Variants in FIBIN observed in about 807,000 individuals in gnomAD.
FIBIN encodes fin bud initiation factor homolog (zebrafish).
A neutral mutation model predicts 13.0 loss-of-function variants in FIBIN; 8 were observed. The observed-to-expected ratio is 0.62, with a 90% CI of 0.36 to 1.11. The LOEUF is 1.11. Among genes scored for constraint, FIBIN ranks in the 50% most tolerant of loss-of-function variants. The pLI is 0.02. For synonymous variants in FIBIN, 127 were observed against 114.7 expected, an observed-to-expected ratio of 1.11 and a Z score of -0.69; for missense variants, 261 against 260.2, an observed-to-expected ratio of 1.00 and a Z score of -0.02.
rs754685334 is a variant in FIBIN at position 26,995,025 on chromosome 11, G to T, written c.499G>T (p.Val167Phe). The stretch of plus-strand genomic sequence containing the variant: ...CAACGAGGACTTTCTGGGAATGCTG[G>T]TCCACACCAGGTCCCTGCTGAAGGA... Reference protein sequence around the residue: ...RLNEDFLGMLVHTRSLLKETL... With the variant: ...RLNEDFLGMLFHTRSLLKETL... Residue 167 changes from valine to phenylalanine, a missense_variant, in exon 1 of 1, where the codon GTC (valine) becomes TTC (phenylalanine). Coordinates refer to ENST00000318627, the MANE Select transcript of FIBIN (RefSeq NM_203371.2). 2.5e-6 allele frequency: 4 copies of T among 1,614,054 alleles called. No individual in the cohort carries two copies. The highest frequency in any genetic ancestry group is 1.7e-5 in the Admixed American group (1 of 60,018).
chr11:26,994,266 C>CGCCTGT lies in FIBIN; in HGVS notation c.-257_-252dup, dbSNP rs1289528602. ...GCCCCGGAGGAGGGGTTCCCCGCTA[C>CGCCTGT]GCCTGTGCCGGAGGAGTTCCAGTCA... On this transcript the variant is annotated 5_prime_UTR_variant, in exon 1 of 1. Transcript: ENST00000318627. 1.4e-5 allele frequency: 6 copies of CGCCTGT among 421,028 alleles called. No homozygotes were observed. Among genetic ancestry groups the CGCCTGT allele is most frequent in the Non-Finnish European group, 2.5e-5 (6 of 238,096 alleles). The allele number at this position is 421,028 out of a possible 1,614,324, so 26.1% of individuals were successfully genotyped here.
At position 26,996,846 on chromosome 11, in the gene FIBIN, A is replaced by C. The variant is rs1410460612; in HGVS notation, c.*1684A>C. Among the ~76,000 whole-genome samples, 1 of 152,048 alleles carries C rather than the reference A, an allele frequency of 6.6e-6. No homozygotes were observed. The highest frequency in any genetic ancestry group is 1.5e-5 in the Non-Finnish European group (1 of 68,006). The stretch of plus-strand genomic sequence containing the variant: ...TTTAAACACGGGACTTCCCGAACTA[A>C]TTTTTTTAAGGATACTGAAAAATGA... On this transcript the variant is annotated 3_prime_UTR_variant, in exon 1 of 1. Transcript: ENST00000318627.
Position 26,994,668 on chromosome 11 carries a change from G to T in FIBIN, c.142G>T (p.Asp48Tyr). 1 of 1,613,910 alleles carries T rather than the reference G, an allele frequency of 6.2e-7. No homozygotes were observed. Among genetic ancestry groups the T allele is most frequent in the South Asian group, 1.1e-5 (1 of 91,040 alleles). Residue 48 changes from aspartate to tyrosine, a missense_variant, in exon 1 of 1, where the codon GAC becomes TAC. Transcript: ENST00000318627. ...VPDGDYEEND[D>Y]PEKCQLLFRV... is the part of the protein sequence containing the mutation. Reference sequence around the variant, plus strand: ...CGATGGGGACTATGAGGAGAACGATGACCCCGAGAAGTGCCAGCTGCTCTT... The same window carrying T: ...CGATGGGGACTATGAGGAGAACGATTACCCCGAGAAGTGCCAGCTGCTCTT...
At position 26,997,082 on chromosome 11, in the gene FIBIN, C is replaced by T. The variant is rs1469281370; in HGVS notation, c.*1920C>T. ...GTGGCAAATAAAATCATATTTGGTA[C>T]TAAAATGTTTGTAGTTTGAAGTCAC... On this transcript the variant is annotated 3_prime_UTR_variant, in exon 1 of 1. Coordinates refer to ENST00000318627, the MANE Select transcript of FIBIN (RefSeq NM_203371.2). Among the ~76,000 whole-genome samples the T allele has an allele frequency of 6.6e-6, 1 of 152,056 alleles. No individual in the cohort carries two copies. The highest frequency in any genetic ancestry group is 6.6e-5 in the Admixed American group (1 of 15,256).
chr11:26,995,000 C>T lies in FIBIN; in HGVS notation c.474C>T (p.Leu158=), dbSNP rs765137980. Residue 158 remains leucine, a synonymous_variant, in exon 1 of 1, where the codon CTC becomes CTT. Transcript: ENST00000318627. The stretch of plus-strand genomic sequence containing the variant: ...AGGACAGCCGGCAGGAGAGCAGGCT[C>T]AACGAGGACTTTCTGGGAATGCTGG... ...QEQDSRQESR[L]NEDFLGMLVH... is the part of the protein sequence containing the mutation. The T allele has an allele frequency of 2.5e-6, 4 of 1,614,058 alleles. No individual in the cohort carries two copies. Among genetic ancestry groups the T allele is most frequent in the Non-Finnish European group, 3.4e-6 (4 of 1,180,020 alleles).
In FIBIN at chr11:26,994,935, C is replaced by T; in HGVS notation, c.409C>T (p.Leu137Phe). The T allele has an allele frequency of 6.2e-7, 1 of 1,611,408 alleles. No individual in the cohort carries two copies. Among genetic ancestry groups the T allele is most frequent in the East Asian group, 2.2e-5 (1 of 44,854 alleles). Residue 137 changes from leucine (L) to phenylalanine (F), a missense_variant, in exon 1 of 1, where the codon CTC becomes TTC. Transcript: ENST00000318627. Reference sequence around the variant, plus strand: ...TGCCTACTCCAACTCGGACAAATCCCTCACTGAGCTGGAGAGCAAGTTCAA... The same window carrying T: ...TGCCTACTCCAACTCGGACAAATCCTTCACTGAGCTGGAGAGCAAGTTCAA... ...GDAYSNSDKS[L>F]TELESKFKQG...
Position 26,995,435 on chromosome 11 carries a change from G to C in FIBIN, c.*273G>C, listed in dbSNP as rs1003687607. 1 of 349,378 alleles carries C rather than the reference G, an allele frequency of 2.9e-6. No homozygotes were observed. The highest frequency in any genetic ancestry group is 2.1e-5 in the African/African-American group (1 of 46,714). 21.6% of individuals were successfully genotyped at this position (349,378 alleles called of 1,614,324 possible). A position where few individuals can be genotyped will look rare whatever the true frequency, so the allele number is the denominator to read the frequency against. ...TTTAAGCAATGTCATTTCTAGATGG[G>C]TTTCTAATTCTGCAGAGACACCCGT... On this transcript the variant is annotated 3_prime_UTR_variant, in exon 1 of 1. Coordinates refer to ENST00000318627, the MANE Select transcript of FIBIN (RefSeq NM_203371.2).
At position 26,994,613 on chromosome 11, in the gene FIBIN, C is replaced by CA; in HGVS notation, c.89dup (p.Asn30LysfsTer15). On this transcript the variant is annotated frameshift_variant, in exon 1 of 1. Transcript: ENST00000318627. LOFTEE classifies it high-confidence loss of function. ...ATGGCCCCCTCTACCCAGAGATGTC[C>CA]AATGGGACTCTGCACCACTACTTCG... 6.2e-7 allele frequency: 1 copy of CA among 1,614,070 alleles called. No homozygotes were observed. Among genetic ancestry groups the CA allele is most frequent in the South Asian group, 1.1e-5 (1 of 91,064 alleles).
At position 26,994,316 on chromosome 11, in the gene FIBIN, T is replaced by G; in HGVS notation, c.-211T>G. 2.0e-6 allele frequency: 1 copy of G among 502,954 alleles called. No homozygotes were observed. The allele number at this position is 502,954 out of a possible 1,614,324, so 31.2% of individuals were successfully genotyped here. A position where few individuals can be genotyped will look rare whatever the true frequency, so the allele number is the denominator to read the frequency against. ...ACCGAGCGAGGGGCGCAAGGGTGGG[T>G]GCATCCTGCGCTGCGGCGGGCGCGC... On this transcript the variant is annotated 5_prime_UTR_variant, in exon 1 of 1. Transcript: ENST00000318627.
chr11:26,995,439 C>A lies in FIBIN; in HGVS notation c.*277C>A. 2.9e-6 allele frequency: 1 copy of A among 343,498 alleles called. No individual in the cohort carries two copies. The highest frequency in any genetic ancestry group is 5.5e-6 in the Non-Finnish European group (1 of 181,658). The allele number at this position is 343,498 out of a possible 1,614,324, so 21.3% of individuals were successfully genotyped here. A position where few individuals can be genotyped will look rare whatever the true frequency, so the allele number is the denominator to read the frequency against. On this transcript the variant is annotated 3_prime_UTR_variant, in exon 1 of 1. Transcript: ENST00000318627. ...AGCAATGTCATTTCTAGATGGGTTT[C>A]TAATTCTGCAGAGACACCCGTTTCA...
At position 26,994,618 on chromosome 11, in the gene FIBIN, G is replaced by T; in HGVS notation, c.92G>T (p.Gly31Val). ...DGPLYPEMSN[G>V]TLHHYFVPDG... ...CCCCTCTACCCAGAGATGTCCAATG[G>T]GACTCTGCACCACTACTTCGTGCCC... Residue 31 changes from glycine to valine, a missense_variant, in exon 1 of 1, where the codon GGG becomes GTG. By Grantham distance (109) the Gly-to-Val change is moderately radical. Transcript: ENST00000318627. The T allele has an allele frequency of 6.2e-7, 1 of 1,614,090 alleles. No individual in the cohort carries two copies. The highest frequency in any genetic ancestry group is 2.2e-5 in the East Asian group (1 of 44,862).
In FIBIN at chr11:26,994,808, T is replaced by C. The variant is rs1016423557; in HGVS notation, c.282T>C (p.Ala94=). Reference sequence around the variant, plus strand: ...TGCTGGGCCGCCAGGTGGAGGATGCTGGGCGCGTGCTGGAGGGCATCAGCA... The same window carrying C: ...TGCTGGGCCGCCAGGTGGAGGATGCCGGGCGCGTGCTGGAGGGCATCAGCA... The part of the protein sequence containing the change: ...FTVLGRQVED[A]GRVLEGISKS... Residue 94 remains alanine (A), a synonymous_variant, in exon 1 of 1, where the codon GCT becomes GCC. Coordinates refer to ENST00000318627, the MANE Select transcript of FIBIN (RefSeq NM_203371.2). The C allele has an allele frequency of 1.9e-6, 3 of 1,605,964 alleles. No homozygotes were observed. In the African/African-American group the frequency reaches 4.0e-5, roughly 21 times the overall value.
In FIBIN at chr11:26,994,253, G is replaced by A; in HGVS notation, c.-274G>A. 1 of 390,512 alleles carries A rather than the reference G, an allele frequency of 2.6e-6. No homozygotes were observed. The highest frequency in any genetic ancestry group is 4.6e-6 in the Non-Finnish European group (1 of 219,740). The allele number at this position is 390,512 out of a possible 1,614,324, so 24.2% of individuals were successfully genotyped here. On this transcript the variant is annotated 5_prime_UTR_variant, in exon 1 of 1. Coordinates refer to ENST00000318627, the MANE Select transcript of FIBIN (RefSeq NM_203371.2). ...GCATCTTGCCAGGGCCCCGGAGGAG[G>A]GGTTCCCCGCTACGCCTGTGCCGGA...
At position 26,995,042 on chromosome 11, in the gene FIBIN, G is replaced by A. The variant is rs1850910814; in HGVS notation, c.516G>A (p.Leu172=). The change falls in exon 1 of 1, where the codon CTG becomes CTA. Residue 172 remains leucine, a synonymous_variant. Coordinates refer to ENST00000318627, the MANE Select transcript of FIBIN (RefSeq NM_203371.2). ...FLGMLVHTRS[L]LKETLDISVG... ...GAATGCTGGTCCACACCAGGTCCCT[G>A]CTGAAGGAGACACTGGACATCTCTG... 1 of 1,614,136 alleles carries A rather than the reference G, an allele frequency of 6.2e-7. No individual in the cohort carries two copies. The highest frequency in any genetic ancestry group is 1.1e-5 in the South Asian group (1 of 91,084).
In FIBIN at chr11:26,995,730, G is replaced by C. The variant is rs1850920732; in HGVS notation, c.*568G>C. On this transcript the variant is annotated 3_prime_UTR_variant, in exon 1 of 1. Coordinates refer to ENST00000318627, the MANE Select transcript of FIBIN (RefSeq NM_203371.2). Reference sequence around the variant, plus strand: ...GGTCTGAGAGTTGTTTTTGTTCTATGTAACAGTATTGCCACAAAACTATAG... The same window carrying C: ...GGTCTGAGAGTTGTTTTTGTTCTATCTAACAGTATTGCCACAAAACTATAG... The C allele has an allele frequency of 6.0e-6, 1 of 166,570 alleles. No individual in the cohort carries two copies. The highest frequency in any genetic ancestry group is 1.5e-5 in the Non-Finnish European group (1 of 68,092). 10.3% of individuals were successfully genotyped at this position (166,570 alleles called of 1,614,324 possible). A position where few individuals can be genotyped will look rare whatever the true frequency, so the allele number is the denominator to read the frequency against.
Position 26,994,959 on chromosome 11 carries a change from A to C in FIBIN, c.433A>C (p.Lys145Gln), listed in dbSNP as rs754490539. 1.2e-6 allele frequency: 2 copies of C among 1,613,356 alleles called. No homozygotes were observed. Among genetic ancestry groups the C allele is most frequent in the Non-Finnish European group, 1.7e-6 (2 of 1,179,704 alleles). Reference sequence around the variant, plus strand: ...CCTCACTGAGCTGGAGAGCAAGTTCAAGCAGGGCCAGGAACAGGACAGCCG... The same window carrying C: ...CCTCACTGAGCTGGAGAGCAAGTTCCAGCAGGGCCAGGAACAGGACAGCCG... ...KSLTELESKF[K>Q]QGQEQDSRQE... The change falls in exon 1 of 1, where the codon AAG (lysine) becomes CAG (glutamine). Residue 145 changes from lysine to glutamine, a missense_variant. Coordinates refer to ENST00000318627, the MANE Select transcript of FIBIN (RefSeq NM_203371.2).
Position 26,994,823 on chromosome 11 carries a change from G to C in FIBIN, c.297G>C (p.Glu99Asp). ...TGGAGGATGCTGGGCGCGTGCTGGA[G>C]GGCATCAGCAAAAGCATCTCCTACG... ...RQVEDAGRVL[E>D]GISKSISYDL... The change falls in exon 1 of 1, where the codon GAG becomes GAC. Residue 99 changes from glutamate (E) to aspartate (D), a missense_variant. By Grantham distance (45) the Glu-to-Asp change is conservative. Coordinates refer to ENST00000318627, the MANE Select transcript of FIBIN (RefSeq NM_203371.2). The C allele has an allele frequency of 6.2e-7, 1 of 1,600,258 alleles. No individual in the cohort carries two copies. The highest frequency in any genetic ancestry group is 1.1e-5 in the South Asian group (1 of 89,280).
In FIBIN at chr11:26,995,330, C is replaced by T. The variant is rs1037995977; in HGVS notation, c.*168C>T. The stretch of plus-strand genomic sequence containing the variant: ...TCTTTCAAAAGAGAAAAATTGGACA[C>T]TTGAGTGACTTTGTTTTTAGTTTTG... On this transcript the variant is annotated 3_prime_UTR_variant, in exon 1 of 1. Coordinates refer to ENST00000318627, the MANE Select transcript of FIBIN (RefSeq NM_203371.2). The T allele has an allele frequency of 3.4e-6, 2 of 582,386 alleles. No individual in the cohort carries two copies. Among genetic ancestry groups the T allele is most frequent in the African/African-American group, 3.9e-5 (2 of 51,804 alleles). The allele number at this position is 582,386 out of a possible 1,614,324, so 36.1% of individuals were successfully genotyped here. A position where few individuals can be genotyped will look rare whatever the true frequency, so the allele number is the denominator to read the frequency against.
chr11:26,994,425 G>C lies in FIBIN; in HGVS notation c.-102G>C. 2.6e-6 allele frequency: 3 copies of C among 1,173,348 alleles called. No homozygotes were observed. Among genetic ancestry groups the C allele is most frequent in the Non-Finnish European group, 2.4e-6 (2 of 830,334 alleles). 72.7% of individuals were successfully genotyped at this position (1,173,348 alleles called of 1,614,324 possible). The stretch of plus-strand genomic sequence containing the variant: ...GCAGCAAGCCAGCTGGGACTGAGGC[G>C]GACGCTGTCTCAGGGAGACGCTGAC... On this transcript the variant is annotated 5_prime_UTR_variant, in exon 1 of 1. Coordinates refer to ENST00000318627, the MANE Select transcript of FIBIN (RefSeq NM_203371.2).
Sources: gnomAD v4.1 joint callset for allele counts (sites outside exome capture counted in the v4.1 genomes callset) on GRCh38, gnomAD v4.1.1 for gene constraint, MANE v1.5 for transcripts, NCBI Gene and HGNC (gene_info 2026-07-23, HGNC 2026-07-21) for gene names.